ATRX: variants seen among roughly 807,000 people sequenced by gnomAD.
ATRX encodes chromatin remodeler ATRX.
A neutral mutation model predicts 172.6 loss-of-function variants in ATRX; 12 were observed. The observed-to-expected ratio is 0.07, with a 90% confidence interval of 0.04 to 0.11. The LOEUF (loss-of-function observed/expected upper bound fraction) is 0.11. Among genes scored for constraint, ATRX ranks in the 10% least tolerant of loss-of-function variants. The pLI is 1.00. For synonymous variants in ATRX, 674 were observed against 594.7 expected (o/e 1.13, Z -1.94); for missense variants, 1,368 against 1,767.4 (o/e 0.77, Z 4.05).
chrX:77,608,356 G>A (rs1449687441), intron 22 of ATRX, among the ~76,000 whole-genome samples: 12 of 90,080 alleles, frequency 1.3e-4, no homozygotes, highest in East Asian at 3.4e-4. Context: ...ACAACAGAGC[G>A]AGACCCCGTC....
chrX:77,530,497 T>A (rs920941931), intron 30 of ATRX, among the ~76,000 whole-genome samples: 9 of 110,890 alleles, frequency 8.1e-5, no homozygotes, highest in Non-Finnish European at 1.3e-4. Context: ...TAATCCCAGC[T>A]ACCTGGGAGG....
intron 22 of ATRX, among the ~76,000 whole-genome samples, chrX:77,615,162 C>G (rs1249191362): frequency 9.0e-6 from 1 of 110,638 alleles, no homozygotes; most frequent in Non-Finnish European, 1.9e-5. Context: ...CCATACCCGG[C>G]TAATTTTTTG....
Position 77,610,673 on chromosome X carries a change from A to T in ATRX, c.5566+5940T>A, listed in dbSNP as rs1486559626. 3.6e-5 allele frequency among the ~76,000 whole-genome samples: 4 copies of T among 110,859 alleles called. No homozygotes were observed. In the Admixed American group the frequency reaches 3.9e-4, roughly 11 times the overall value. On this transcript the variant is annotated intron_variant, in intron 22 of 34. Coordinates refer to ENST00000373344, the MANE Select transcript of ATRX (RefSeq NM_000489.6). ...ATGCATTTTCATACATATCCTTTTT[A>T]TTTCACAGAAATGGGTACTATTTCA...
chrX:77,643,327 C>G (rs1212639502), intron 15 of ATRX, among the ~76,000 whole-genome samples: 1 of 110,312 alleles, frequency 9.1e-6, no homozygotes, highest in Non-Finnish European at 1.9e-5. Context: ...CAAGGCATTA[C>G]AGGGGAACAC....
chrX:77,654,204 A>C lies in ATRX; in HGVS notation c.4215-4T>G. 8.4e-7 allele frequency: 1 copy of C among 1,187,669 alleles called. No homozygotes were observed. Among genetic ancestry groups the C allele is most frequent in the Non-Finnish European group, 1.1e-6 (1 of 874,593 alleles). ...CAACTCTGCTTTCTTTGCAGACCTG[A>C]CGAAAATTTAAAACACAAAATAAAA... On this transcript the variant is annotated splice_region_variant and splice_polypyrimidine_tract_variant and intron_variant, in intron 13 of 34. Coordinates refer to ENST00000373344, the MANE Select transcript of ATRX (RefSeq NM_000489.6).
Position 77,682,337 on chromosome X carries a change from C to G in ATRX, c.2919G>C (p.Gln973His), listed in dbSNP as rs1243042933. ...DIAEKFLKKD[Q>H]SDETSEDDKK... ...TATCATCTTCAGAAGTTTCATCGCT[C>G]TGGTCTTTCTTTAGGAATTTCTCTG... Residue 973 changes from glutamine to histidine, a missense_variant, in exon 9 of 35, where the codon CAG becomes CAC. Transcript: ENST00000373344. 5 of 1,207,059 alleles carry G rather than the reference C, an allele frequency of 4.1e-6. No homozygotes were observed. The highest frequency in any genetic ancestry group is 1.8e-5 in the African/African-American group (1 of 56,897).
chrX:77,637,009 A>G (rs1426528253), intron 15 of ATRX, among the ~76,000 whole-genome samples: 5 of 104,330 alleles, frequency 4.8e-5, no homozygotes, highest in African/African-American at 1.7e-4. Flanking sequence ...GGAAGGAGGA[A>G]GAAGGAGGAG....
At chrX:77,699,324 T>C (rs1195507903) in intron 2 of ATRX, among the ~76,000 whole-genome samples, 2 of 111,298 alleles carry the variant, frequency 1.8e-5, no homozygotes, top group African/African-American at 6.5e-5. Context: ...TGGGGTTTTG[T>C]CATGTTGCCC....
chrX:77,562,292 A>G (rs1251511334), intron 28 of ATRX, among the ~76,000 whole-genome samples: 1 of 112,266 alleles, frequency 8.9e-6, no homozygotes, highest in African/African-American at 3.2e-5. Flanking sequence ...TTATGTGAAA[A>G]TGTTTTCATT....
At chrX:77,595,641 G>C (rs1452330131) in intron 25 of ATRX, 1 of 110,790 alleles carries the variant, frequency 9.0e-6, no homozygotes, top group African/African-American at 3.3e-5. Context: ...CTCAAATCCT[G>C]TCCCTGGATA....
intron 26 of ATRX, among the ~76,000 whole-genome samples, chrX:77,592,744 G>A (rs1362428864): frequency 4.6e-5 from 5 of 108,830 alleles, no homozygotes; most frequent in South Asian, 4.0e-4. Flanking sequence ...CCTGGGAGGC[G>A]GAGGTTGCGA....
In ATRX at chrX:77,719,163, G is replaced by A. The variant is rs782202061; in HGVS notation, c.21-1920C>T. 7.2e-5 allele frequency among the ~76,000 whole-genome samples: 8 copies of A among 111,065 alleles called. No individual in the cohort carries two copies. The South Asian group carries it at 3.0e-3, about 42-fold the overall frequency. On this transcript the variant is annotated intron_variant, in intron 1 of 34. Transcript: ENST00000373344. ...GCACCATCAAGAAAGTGAAAACACA[G>A]CAAACACAATGAGAGAAAACGATTT... is the stretch of plus-strand genomic sequence containing the variant.
intron 28 of ATRX, among the ~76,000 whole-genome samples, chrX:77,568,470 T>C (rs1463842839): frequency 8.9e-6 from 1 of 112,165 alleles, no homozygotes; most frequent in Non-Finnish European, 1.9e-5. Flanking sequence ...ACTGAGGAAA[T>C]TTAATTAGTG....
intron 22 of ATRX, among the ~76,000 whole-genome samples, chrX:77,605,524 C>T (rs2066872449): frequency 9.0e-6 from 1 of 110,818 alleles, no homozygotes; most frequent in Non-Finnish European, 1.9e-5. Context: ...TCACCCAGAA[C>T]CAGATAGCTT....
intron 34 of ATRX, among the ~76,000 whole-genome samples, chrX:77,516,948 C>T (rs2063073419): frequency 9.0e-6 from 1 of 110,990 alleles, no homozygotes; most frequent in Admixed American, 9.6e-5. Context: ...TATATAAACA[C>T]ATGAAAATTG....
intron 30 of ATRX, among the ~76,000 whole-genome samples, chrX:77,549,094 T>C (rs782052764): frequency 3.6e-5 from 4 of 111,912 alleles, no homozygotes; most frequent in Non-Finnish European, 5.6e-5. Flanking sequence ...TATTATAAAA[T>C]ATAACCTTGG....
chrX:77,693,776 G>T (rs1557148312), intron 6 of ATRX, 48 bp downstream of exon 6: 6 of 1,019,912 alleles, frequency 5.9e-6, no homozygotes, highest in Non-Finnish European at 8.3e-6. Flanking sequence ...TTCCAATATG[G>T]TCATAAACAG....
chrX:77,689,937 T>G (rs2071795082), intron 6 of ATRX, among the ~76,000 whole-genome samples: 1 of 112,283 alleles, frequency 8.9e-6, no homozygotes, highest in Admixed American at 9.4e-5. Context: ...AAAAACAAAT[T>G]GGCTCCATCC....
intron 19 of ATRX, among the ~76,000 whole-genome samples, chrX:77,622,476 G>A (rs1557100614): frequency 1.8e-5 from 2 of 111,530 alleles, no homozygotes; most frequent in African/African-American, 3.3e-5. Context: ...GGCACTGGGA[G>A]CTTGCTGGAT....
Sources: allele counts gnomAD v4.1 joint callset (sites outside exome capture counted in the v4.1 genomes callset), GRCh38; gene constraint gnomAD v4.1.1; transcripts MANE v1.5; gene names NCBI Gene and HGNC (gene_info 2026-07-23, HGNC 2026-07-21).